ARHGAP6: variants seen among roughly 807,000 people sequenced by gnomAD.
ARHGAP6 encodes the protein Rho GTPase activating protein 6.
A neutral mutation model predicts 55.7 loss-of-function variants in ARHGAP6; 16 were observed. The ratio of observed to expected loss-of-function variants is 0.29; its 90% confidence interval spans 0.19 to 0.44. The LOEUF (loss-of-function observed/expected upper bound fraction) is 0.44. Ranked by LOEUF, ARHGAP6 falls within the 20% of genes least tolerant of loss-of-function variation. ARHGAP6 has a pLI of 1.00. For synonymous variants in ARHGAP6, 382 were observed against 360.9 expected (o/e 1.06, Z -0.66); for missense variants, 698 against 808.9 (o/e 0.86, Z 1.66).
At chrX:11,378,002 A>G (rs1255437249) in intron 1 of ARHGAP6, among the ~76,000 whole-genome samples, 3 of 112,087 alleles carry the variant, frequency 2.7e-5, no homozygotes, top group African/African-American at 9.7e-5. Context: ...CCCTGCATCT[A>G]CATGGAGTAC....
intron 1 of ARHGAP6, among the ~76,000 whole-genome samples, chrX:11,517,221 G>C (rs2050851179): frequency 9.0e-6 from 1 of 111,640 alleles, no homozygotes; most frequent in Admixed American, 9.6e-5. Flanking sequence ...AGAGGCTCAA[G>C]ACAACAAACA....
At chrX:11,387,271 C>G (rs2049339852) in intron 1 of ARHGAP6, among the ~76,000 whole-genome samples, 2 of 111,692 alleles carry the variant, frequency 1.8e-5, no homozygotes, top group Admixed American at 1.9e-4. Flanking sequence ...GCACCACCCT[C>G]GACCACTGAG....
At chrX:11,387,276 A>G (rs1319314488) in intron 1 of ARHGAP6, among the ~76,000 whole-genome samples, 1 of 111,655 alleles carries the variant, frequency 9.0e-6, no homozygotes, top group Middle Eastern at 4.6e-3. Flanking sequence ...ACCCTCGACC[A>G]CTGAGCTGGA....
At chrX:11,360,022 C>T (rs1448266381) in intron 1 of ARHGAP6, among the ~76,000 whole-genome samples, 2 of 111,524 alleles carry the variant, frequency 1.8e-5, no homozygotes, top group Non-Finnish European at 3.8e-5. Flanking sequence ...CAATAGCTTA[C>T]CAACCAAAAA....
chrX:11,354,817 T>C (rs1318269096), intron 1 of ARHGAP6, among the ~76,000 whole-genome samples: 1 of 111,525 alleles, frequency 9.0e-6, no homozygotes, highest in Non-Finnish European at 1.9e-5. Flanking sequence ...TCCCATCTTG[T>C]TTAACATCTT....
At position 11,643,945 on chromosome X, in the gene ARHGAP6, G is replaced by A. The variant is rs753515059; in HGVS notation, c.588+20296C>T. ...GCATGAGCAAACCCAGTAGAGATCC[G>A]CCACACTCTTTCCACATCAACCAGA... On this transcript the variant is annotated intron_variant, in intron 1 of 12. Transcript: ENST00000337414. 5.4e-5 allele frequency among the ~76,000 whole-genome samples: 6 copies of A among 110,545 alleles called. No homozygotes were observed. In the South Asian group the frequency reaches 1.5e-3, roughly 28 times the overall value.
chrX:11,618,167 GACAGTGGAACA>G (rs1299135486), intron 1 of ARHGAP6, among the ~76,000 whole-genome samples: 1 of 111,333 alleles, frequency 9.0e-6, no homozygotes, highest in Non-Finnish European at 1.9e-5. Context: ...AGCTGGAATA[GACAGTGGAACA>G]ACTTCTTCCC....
intron 1 of ARHGAP6, among the ~76,000 whole-genome samples, chrX:11,463,334 G>C (rs2050263318): frequency 1.8e-5 from 2 of 111,844 alleles, no homozygotes; most frequent in South Asian, 3.8e-4. Context: ...TGTTGTTGTT[G>C]TTCTTTCATT....
chrX:11,664,332 A>G lies in ARHGAP6; in HGVS notation c.497T>C (p.Ile166Thr). 1 of 1,212,187 alleles carries G rather than the reference A, an allele frequency of 8.2e-7. No individual in the cohort carries two copies. Among genetic ancestry groups the G allele is most frequent in the Non-Finnish European group, 1.1e-6 (1 of 895,604 alleles). The stretch of plus-strand genomic sequence containing the variant: ...GAGCCACCTCCTAGGAGAAGCGAAG[A>G]TGCCATTGGGGCCTCCCCCGGATGA... ...LCSSGGGPNG[I>T]FASPRRWLQQ... The change falls in exon 1 of 13, where the codon ATC (isoleucine) becomes ACC (threonine). Residue 166 changes from isoleucine to threonine, a missense_variant. Around this residue, in one of 3 missense-constraint regions of ARHGAP6, gnomAD observed 164 missense variants for 149.2 expected, o/e 1.10. Coordinates refer to ENST00000337414, the MANE Select transcript of ARHGAP6 (RefSeq NM_013427.3).
intron 1 of ARHGAP6, among the ~76,000 whole-genome samples, chrX:11,304,819 G>T (rs1421905437): frequency 4.1e-5 from 3 of 72,522 alleles, no homozygotes; most frequent in Non-Finnish European, 7.1e-5. Flanking sequence ...ATGGAGTCTC[G>T]CTCTGTCGCC....
intron 1 of ARHGAP6, among the ~76,000 whole-genome samples, chrX:11,593,853 G>C (rs1047303079): frequency 8.9e-6 from 1 of 112,367 alleles, no homozygotes; most frequent in Non-Finnish European, 1.9e-5. Flanking sequence ...GCCTTGGCCA[G>C]GATCAGCTAG....
chrX:11,481,989 G>A (rs149598834), intron 1 of ARHGAP6, among the ~76,000 whole-genome samples: 1,565 of 112,501 alleles, frequency 0.014, 28 homozygotes, highest in African/African-American at 0.047. Flanking sequence ...AGCTTAGAGG[G>A]CATTTCCCCC....
intron 1 of ARHGAP6, among the ~76,000 whole-genome samples, chrX:11,400,695 T>C (rs5935054): frequency 0.059 from 6,583 of 111,246 alleles, 208 homozygotes; most frequent in African/African-American, 0.12. Context: ...CTAGATATCC[T>C]ATCTTTCATC....
At chrX:11,300,320 G>A (rs758319461) in intron 1 of ARHGAP6, among the ~76,000 whole-genome samples, 31 of 111,435 alleles carry the variant, frequency 2.8e-4, no homozygotes, top group African/African-American at 9.1e-4. Flanking sequence ...ACAAAATAGC[G>A]TGATAAGCTT....
chrX:11,378,971 C>A (rs1411997456), intron 1 of ARHGAP6, among the ~76,000 whole-genome samples: 1 of 112,527 alleles, frequency 8.9e-6, no homozygotes, highest in Non-Finnish European at 1.9e-5. Context: ...AAATTCTTTT[C>A]TTCTCTACTC....
chrX:11,494,238 T>C (rs1389848587), intron 1 of ARHGAP6, among the ~76,000 whole-genome samples: 1 of 112,098 alleles, frequency 8.9e-6, no homozygotes, highest in Non-Finnish European at 1.9e-5. Flanking sequence ...TGAGAACCAC[T>C]GCATTAAATG....
chrX:11,192,804 A>G (rs1273856454), intron 3 of ARHGAP6, among the ~76,000 whole-genome samples: 1 of 111,927 alleles, frequency 8.9e-6, no homozygotes, highest in East Asian at 2.8e-4. Flanking sequence ...ACAATCTCCC[A>G]GAGTTACATC....
intron 1 of ARHGAP6, among the ~76,000 whole-genome samples, chrX:11,585,496 T>G (rs2051722428): frequency 8.9e-6 from 1 of 112,514 alleles, no homozygotes; most frequent in Admixed American, 9.4e-5. Context: ...TAGTATCTAA[T>G]TGTGGTTTTG....
At chrX:11,554,492 A>G (rs1489870892) in intron 1 of ARHGAP6, among the ~76,000 whole-genome samples, 1 of 112,134 alleles carries the variant, frequency 8.9e-6, no homozygotes, top group Non-Finnish European at 1.9e-5. Flanking sequence ...GAGGTGATGG[A>G]TACCCTAAAT....
Sources: allele counts gnomAD v4.1 joint callset (sites outside exome capture counted in the v4.1 genomes callset), GRCh38; gene constraint gnomAD v4.1.1; regional missense constraint gnomAD v4.1.1; transcripts MANE v1.5; gene names NCBI Gene and HGNC (gene_info 2026-07-23, HGNC 2026-07-21).